The following HYDIN variants were observed in gnomAD, a reference collection of about 807,000 sequenced individuals.
HYDIN encodes the protein axonemal central pair apparatus protein HYDIN.
In HYDIN, 132 loss-of-function variants were observed where a neutral mutation model predicts 403.9. That is an observed-to-expected ratio of 0.33 (90% CI 0.28 to 0.38). The LOEUF is 0.38. HYDIN is among the 10% of genes least tolerant of loss of function. The pLI is 1.00. For missense variants in HYDIN, 2,827 were observed against 5,009.5 expected, an observed-to-expected ratio of 0.56 and a Z score of 13.15; for synonymous variants, 1,202 against 1,891.7, an observed-to-expected ratio of 0.64 and a Z score of 9.46.
At chr16:71,208,132 C>A (rs2088395726) in intron 1 of HYDIN, among the ~76,000 whole-genome samples, 2 of 152,316 alleles carry the variant, frequency 1.3e-5, no homozygotes, top group East Asian at 1.9e-4. Context: ...TTCATCACCA[C>A]ATGGTACATA....
chr16:70,951,273 A>AGG (rs1163033522), intron 41 of HYDIN, among the ~76,000 whole-genome samples: 3 of 150,772 alleles, frequency 2.0e-5, no homozygotes, highest in East Asian at 1.9e-4. Context: ...AGAGAGAGAG[A>AGG]GAGAGAGGGA....
rs1483357989 is a variant in HYDIN, at chr16:70,840,132, G to C, written c.12975C>G (p.Ile4325Met). The C allele has an allele frequency of 1.2e-6, 1 of 868,372 alleles. No individual in the cohort carries two copies. Among genetic ancestry groups the C allele is most frequent in the Admixed American group, 2.5e-5 (1 of 40,078 alleles). The allele number at this position is 868,372 out of a possible 1,614,324, so 53.8% of individuals were successfully genotyped here. A position where few individuals can be genotyped will look rare whatever the true frequency, so the allele number is the denominator to read the frequency against. The stretch of plus-strand genomic sequence containing the variant: ...TGTATGGGGGCATCCCAGCTTGATA[G>C]ATAAAGCAGGTCCCAAAGTTGTAGC... ...FTSYNFGTCF[I>M]YQAGMPPYKQ... The change falls in exon 76 of 86, where the codon ATC (isoleucine) becomes ATG (methionine). Residue 4325 changes from isoleucine (I) to methionine (M), a missense_variant. Ile to Met is a conservative substitution (Grantham distance 10, BLOSUM62 1). Coordinates refer to ENST00000393567, the MANE Select transcript of HYDIN (RefSeq NM_001270974.2).
intron 1 of HYDIN, among the ~76,000 whole-genome samples, chr16:71,215,782 A>T (rs548828017): frequency 5.4e-3 from 294 of 54,000 alleles, no homozygotes; most frequent in African/African-American, 0.031. Context: ...AAACAATATT[A>T]AAAAAAAAAA....
rs112703626 is a variant in HYDIN, at chr16:71,069,412, T to C, written c.1829A>G (p.His610Arg). Residue 610 changes from histidine to arginine, a missense_variant, in exon 14 of 86, where the codon CAT becomes CGT. Coordinates refer to ENST00000393567, the MANE Select transcript of HYDIN (RefSeq NM_001270974.2). ...KLRIPGDGLGHKSISYCEQHV... is the reference protein window; with the variant it reads ...KLRIPGDGLGRKSISYCEQHV... ...CTGCTCACAATATGAAATGCTTTTA[T>C]GGCCAAGGCCATCCCCAGGGATACG... The C allele has an allele frequency of 1.9e-3, 3,144 of 1,614,182 alleles. 43 individuals are homozygous for C. In the African/African-American group the frequency reaches 0.036, roughly 18 times the overall value.
intron 1 of HYDIN, among the ~76,000 whole-genome samples, chr16:71,188,109 C>T (rs1416720704): frequency 1.3e-5 from 2 of 152,130 alleles, no homozygotes; most frequent in Admixed American, 1.3e-4. Context: ...GTATCTTTTC[C>T]CTATTCTCAA....
chr16:70,976,213 G>A (rs1321305022), intron 30 of HYDIN, among the ~76,000 whole-genome samples: 1 of 152,246 alleles, frequency 6.6e-6, no homozygotes, highest in Non-Finnish European at 1.5e-5. Context: ...CTGAGAACAG[G>A]AATGAAAAGG....
intron 46 of HYDIN, 27 bp downstream of exon 46, chr16:70,920,564 T>G (rs895440634): frequency 6.4e-7 from 1 of 1,560,590 alleles, no homozygotes; most frequent in Non-Finnish European, 8.7e-7. Flanking sequence ...GACTTGAGAC[T>G]TCCCCACCCT....
At chr16:70,861,260 C>T (rs1263167769) in intron 69 of HYDIN, among the ~76,000 whole-genome samples, 4 of 152,104 alleles carry the variant, frequency 2.6e-5, no homozygotes, top group South Asian at 2.1e-4. Context: ...CTGAGCTCCT[C>T]GGAAAAGGTG....
rs190526880 is a variant in HYDIN, at chr16:71,048,208, T to C, written c.2529+12296A>G. ...TACGCCTGAGTAGTATTATACTGTA[T>C]ATATATATCACATTTTCTTTATCCA... On this transcript the variant is annotated intron_variant, in intron 18 of 85. Transcript: ENST00000393567. 4.7e-3 allele frequency among the ~76,000 whole-genome samples: 715 copies of C among 151,706 alleles called. 3 individuals are homozygous for C. Among genetic ancestry groups the C allele is most frequent in the Non-Finnish European group, 7.5e-3 (508 of 67,908 alleles).
chr16:70,871,619 T>C (rs937576297), intron 65 of HYDIN, among the ~76,000 whole-genome samples: 6 of 151,686 alleles, frequency 4.0e-5, no homozygotes, highest in African/African-American at 1.2e-4. Flanking sequence ...AGGATGGAGC[T>C]TGGAACATTT....
chr16:70,973,192 T>C (rs12051152), intron 35 of HYDIN, 151 bp downstream of exon 35: 226 of 530,524 alleles, frequency 4.3e-4, no homozygotes, highest in East Asian at 3.6e-3. Context: ...ACAGCTCCTA[T>C]GTGAACCAGA....
intron 13 of HYDIN, among the ~76,000 whole-genome samples, 198 bp from the exon 14 acceptor site, chr16:71,069,700 CT>C (rs2082397528): frequency 6.6e-6 from 1 of 151,948 alleles, no homozygotes; most frequent in Admixed American, 6.6e-5. Context: ...AATGTATCTA[CT>C]TTTTCATTTA....
intron 10 of HYDIN, among the ~76,000 whole-genome samples, chr16:71,108,099 A>G (rs953635544): frequency 2.0e-5 from 3 of 152,192 alleles, no homozygotes; most frequent in Admixed American, 1.3e-4. Context: ...ATTCTCACTT[A>G]TAAGTGGGAG....
intron 53 of HYDIN, among the ~76,000 whole-genome samples, chr16:70,896,359 G>A (rs1217056097): frequency 1.3e-5 from 2 of 151,612 alleles, no homozygotes; most frequent in Admixed American, 6.6e-5. Context: ...CAGGAAAGTG[G>A]TTTTCTTTTT....
chr16:71,098,206 T>C (rs1199452209), intron 10 of HYDIN, among the ~76,000 whole-genome samples: 1 of 126,050 alleles, frequency 7.9e-6, no homozygotes, highest in Admixed American at 7.2e-5. Context: ...TTTCTTTCTT[T>C]TTTTTTTTTT....
intron 12 of HYDIN, among the ~76,000 whole-genome samples, chr16:71,085,585 T>C (rs1215849387): frequency 6.6e-6 from 1 of 152,178 alleles, no homozygotes. Context: ...TGCTGAATTG[T>C]GTATTTCTCC....
At chr16:71,162,174 A>C (rs1400681138) in intron 6 of HYDIN, among the ~76,000 whole-genome samples, 1 of 151,548 alleles carries the variant, frequency 6.6e-6, no homozygotes, top group Non-Finnish European at 1.5e-5. Context: ...GTTTGTGACA[A>C]TTTGTTACAA....
rs1365530474 is a variant in HYDIN at position 71,230,541 on chromosome 16, A to G, written c.-24+21T>C. On this transcript the variant is annotated intron_variant, in intron 1 of 85. Transcript: ENST00000393567. ...ATGTCCCTCACACTTTGACCCCACA[A>G]TCTCTGCGAGGACCTCTGACCTTGG... 1.7e-5 allele frequency: 26 copies of G among 1,523,012 alleles called. 1 individual carries two copies. The highest frequency in any genetic ancestry group is 5.5e-5 in the African/African-American group (4 of 72,822). The allele number at this position is 1,523,012 out of a possible 1,614,324, so 94.3% of individuals were successfully genotyped here.
intron 13 of HYDIN, among the ~76,000 whole-genome samples, chr16:71,073,446 G>A (rs1263902524): frequency 6.6e-6 from 1 of 152,080 alleles, no homozygotes; most frequent in Non-Finnish European, 1.5e-5. Context: ...TACACCCTCC[G>A]AAGGTCAACT....
Sources: gnomAD v4.1 joint callset for allele counts (sites outside exome capture counted in the v4.1 genomes callset) on GRCh38, gnomAD v4.1.1 for gene constraint, MANE v1.5 for transcripts, NCBI Gene and HGNC (gene_info 2026-07-23, HGNC 2026-07-21) for gene names.